Variants in DGCR2 observed in about 807,000 individuals in gnomAD.
The protein encoded by DGCR2 is integral membrane protein DGCR2/IDD.
DGCR2 carries 24 observed loss-of-function variants against 51.6 expected under a neutral mutation model. The ratio of observed to expected loss-of-function variants is 0.47; its 90% CI spans 0.34 to 0.65. The LOEUF (loss-of-function observed/expected upper bound fraction) is 0.65, where lower values mean the gene tolerates loss of function less well. DGCR2 is among the 30% of genes least tolerant of loss of function. The pLI is 0.01. For synonymous variants in DGCR2, 340 were observed against 315.4 expected (o/e 1.08, Z -0.82); for missense variants, 765 against 772.1 (o/e 0.99, Z 0.11).
chr22:19,087,950 G>T (rs533157161), intron 2 of DGCR2, among the ~76,000 whole-genome samples: 7 of 152,294 alleles, frequency 4.6e-5, no homozygotes, highest in Non-Finnish European at 7.4e-5. Flanking sequence ...CTCCCAAAGT[G>T]TTGGGTTACA....
intron 2 of DGCR2, among the ~76,000 whole-genome samples, chr22:19,079,397 T>C (rs2082912637): frequency 6.6e-6 from 1 of 152,236 alleles, no homozygotes; most frequent in African/African-American, 2.4e-5. Context: ...TGATTAGGCA[T>C]TTTCTTAGCT....
At position 19,037,808 on chromosome 22, in the gene DGCR2, C is replaced by CT. The variant is rs1161908222; in HGVS notation, c.*1056dup. ...CCAGGAAGGGCCCCCAGCCCCTGCG[C>CT]TGCTGAGGAGGGGCCGGGAGGTGTG... On this transcript the variant is annotated 3_prime_UTR_variant, in exon 10 of 10. Transcript: ENST00000263196. 2.0e-5 allele frequency: 3 copies of CT among 152,608 alleles called. No individual in the cohort carries two copies. The highest frequency in any genetic ancestry group is 2.9e-5 in the Non-Finnish European group (2 of 68,096). The allele number at this position is 152,608 out of a possible 1,614,324, so 9.5% of individuals were successfully genotyped here. A position where few individuals can be genotyped will look rare whatever the true frequency, so the allele number is the denominator to read the frequency against.
intron 7 of DGCR2, among the ~76,000 whole-genome samples, chr22:19,042,845 G>A (rs1413006867): frequency 6.6e-6 from 1 of 152,182 alleles, no homozygotes; most frequent in Non-Finnish European, 1.5e-5. Context: ...TGCCTCTGCT[G>A]TGGTTGGGCG....
chr22:19,113,168 G>A lies in DGCR2; in HGVS notation c.79+8960C>T, dbSNP rs181809062. Reference sequence around the variant, plus strand: ...AGGCAGATCATGAGGTCAAGAGATCGAGACCATCCTGGCCAACATGGTGAA... The same window carrying A: ...AGGCAGATCATGAGGTCAAGAGATCAAGACCATCCTGGCCAACATGGTGAA... On this transcript the variant is annotated intron_variant, in intron 1 of 9. Transcript: ENST00000263196. Among the ~76,000 whole-genome samples, 26 of 152,166 alleles carry A rather than the reference G, an allele frequency of 1.7e-4. No homozygotes were observed. The East Asian group carries it at 3.9e-3, about 23-fold the overall frequency.
chr22:19,089,629 G>A, intron 1 of DGCR2, 139 bp from the exon 2 acceptor site: 5 of 1,042,436 alleles, frequency 4.8e-6, no homozygotes, highest in Non-Finnish European at 6.3e-6. Flanking sequence ...ACCCAGGCTG[G>A]AGTGCCAGTG....
At chr22:19,094,108 G>A (rs1049313764) in intron 1 of DGCR2, among the ~76,000 whole-genome samples, 16 of 152,214 alleles carry the variant, frequency 1.1e-4, no homozygotes, top group African/African-American at 3.4e-4. Flanking sequence ...GATGCTCAAC[G>A]TCTAGTCATT....
chr22:19,098,914 T>C (rs1431468379), intron 1 of DGCR2, among the ~76,000 whole-genome samples: 1 of 152,182 alleles, frequency 6.6e-6, no homozygotes, highest in African/African-American at 2.4e-5. Flanking sequence ...TCTTTATTGC[T>C]GCCCCATACT....
At chr22:19,112,851 A>C (rs762113276) in intron 1 of DGCR2, among the ~76,000 whole-genome samples, 4 of 144,172 alleles carry the variant, frequency 2.8e-5, no homozygotes, top group Non-Finnish European at 6.2e-5. Context: ...TGAAAACACA[A>C]AGAGCTAAAA....
At chr22:19,063,495 C>T (rs45511793) in intron 4 of DGCR2, among the ~76,000 whole-genome samples, 2 of 151,306 alleles carry the variant, frequency 1.3e-5, no homozygotes, top group African/African-American at 2.4e-5. Flanking sequence ...CAGGCCACCA[C>T]GCCCAGCTAA....
At chr22:19,062,397 C>A (rs990935661) in intron 5 of DGCR2, among the ~76,000 whole-genome samples, 1 of 152,220 alleles carries the variant, frequency 6.6e-6, no homozygotes, top group African/African-American at 2.4e-5. Flanking sequence ...GCCACCCAGG[C>A]CTTGACCCTT....
chr22:19,099,932 T>C (rs2083182818), intron 1 of DGCR2, among the ~76,000 whole-genome samples: 1 of 150,208 alleles, frequency 6.7e-6, no homozygotes, highest in South Asian at 2.1e-4. Flanking sequence ...ATTGTACCAC[T>C]GCACTCCAGC....
chr22:19,093,834 A>G (rs539391201), intron 1 of DGCR2, among the ~76,000 whole-genome samples: 4 of 151,888 alleles, frequency 2.6e-5, no homozygotes, highest in Admixed American at 1.3e-4. Flanking sequence ...TCATCTCTAC[A>G]TTACAAAAAA....
intron 9 of DGCR2, among the ~76,000 whole-genome samples, chr22:19,040,134 G>A (rs772533214): frequency 1.3e-5 from 2 of 152,204 alleles, no homozygotes; most frequent in East Asian, 3.9e-4. Context: ...GCCCACACAG[G>A]TGTCTGGGAT....
rs781004666 is a variant in DGCR2 at position 19,089,369 on chromosome 22, T to C, written c.201A>G (p.Pro67=). Residue 67 remains proline, a splice_region_variant and synonymous_variant, in exon 2 of 10, where the codon CCA becomes CCG. Coordinates refer to ENST00000263196, the MANE Select transcript of DGCR2 (RefSeq NM_005137.3). ...ACCCCGCCTACTCAACACACTCACC[T>C]GGACAGTTGGCTTCGTCGCTCTCAT... The part of the protein sequence containing the change: ...CEDESDEANC[P]EVTGEVRPHH... 3 of 1,603,812 alleles carry C rather than the reference T, an allele frequency of 1.9e-6. No homozygotes were observed. Among genetic ancestry groups the C allele is most frequent in the Non-Finnish European group, 2.6e-6 (3 of 1,174,580 alleles).
At chr22:19,094,349 C>G (rs1601278624) in intron 1 of DGCR2, among the ~76,000 whole-genome samples, 1 of 152,330 alleles carries the variant, frequency 6.6e-6, no homozygotes, top group East Asian at 1.9e-4. Context: ...TGCTTGAACC[C>G]AGGAGACAGA....
At chr22:19,104,667 C>T (rs375746497) in intron 1 of DGCR2, among the ~76,000 whole-genome samples, 1 of 152,210 alleles carries the variant, frequency 6.6e-6, no homozygotes, top group Non-Finnish European at 1.5e-5. Flanking sequence ...GACTCCCACA[C>T]CCGGGGTAGG....
Position 19,041,311 on chromosome 22 carries a change from G to A in DGCR2, c.1160-17C>T. Reference sequence around the variant, plus strand: ...AGTGGTGCACTGGGCCATCAAAAGTGTGCAACGGGAACAGAGACAAGTCAC... The same window carrying A: ...AGTGGTGCACTGGGCCATCAAAAGTATGCAACGGGAACAGAGACAAGTCAC... On this transcript the variant is annotated splice_polypyrimidine_tract_variant and intron_variant, in intron 8 of 9. Coordinates refer to ENST00000263196, the MANE Select transcript of DGCR2 (RefSeq NM_005137.3). The A allele has an allele frequency of 6.2e-7, 1 of 1,611,166 alleles. No individual in the cohort carries two copies. Among genetic ancestry groups the A allele is most frequent in the Non-Finnish European group, 8.5e-7 (1 of 1,178,088 alleles).
At chr22:19,076,050 C>T (rs2082872079) in intron 2 of DGCR2, among the ~76,000 whole-genome samples, 1 of 151,960 alleles carries the variant, frequency 6.6e-6, no homozygotes, top group South Asian at 2.1e-4. Context: ...CCTCCGTCTC[C>T]CAGGCTCAAG....
chr22:19,041,271 T>G lies in DGCR2; in HGVS notation c.1183A>C (p.Arg395=). Residue 395 remains arginine (R), a synonymous_variant, in exon 9 of 10, where the codon AGG becomes CGG. Transcript: ENST00000263196. ...GGGCCGTAATCAAAGCCAGGGATCCTGCGGCCGAGGTTGAAGTGGTGCACT... is the reference window on the plus strand; with the variant it reads ...GGGCCGTAATCAAAGCCAGGGATCCGGCGGCCGAGGTTGAAGTGGTGCACT... The part of the protein sequence containing the change: ...ANLHHFNLGR[R]IPGFDYGPDG... 6.2e-7 allele frequency: 1 copy of G among 1,614,068 alleles called. No individual in the cohort carries two copies. The highest frequency in any genetic ancestry group is 8.5e-7 in the Non-Finnish European group (1 of 1,179,986).
Sources: allele counts gnomAD v4.1 joint callset (sites outside exome capture counted in the v4.1 genomes callset), GRCh38; gene constraint gnomAD v4.1.1; transcripts MANE v1.5; gene names NCBI Gene and HGNC (gene_info 2026-07-23, HGNC 2026-07-21).